The following CEBPZ variants were observed in gnomAD, a reference collection of about 807,000 sequenced individuals.
CEBPZ encodes the protein CCAAT/enhancer-binding protein zeta.
CEBPZ carries 78 observed loss-of-function variants against 104.5 expected under a neutral mutation model. The observed-to-expected ratio is 0.75, with a 90% CI of 0.62 to 0.90. The LOEUF is 0.90. Ranked by LOEUF, CEBPZ falls within the 40% of genes least tolerant of loss-of-function variation. The probability of loss-of-function intolerance (pLI) is 0.00; values close to 1 mark genes in which losing one functional copy is unlikely to be tolerated. For missense variants in CEBPZ, 1,439 were observed against 1,233.5 expected (o/e 1.17, Z -2.50); for synonymous variants, 470 against 427.0 (o/e 1.10, Z -1.24).
intron 1 of CEBPZ, 51 bp from the exon 2 acceptor site, chr2:37,229,087 C>A (rs1432592796): frequency 6.7e-6 from 9 of 1,333,834 alleles, no homozygotes; most frequent in African/African-American, 1.5e-5. Flanking sequence ...AAAAATAAAA[C>A]CATAAAATAA....
chr2:37,223,102 A>T, intron 3 of CEBPZ, 68 bp downstream of exon 3: 1 of 1,334,286 alleles, frequency 7.5e-7, no homozygotes, highest in Non-Finnish European at 1.1e-6. Context: ...TTTGAAGCAA[A>T]GAAAAACAAA....
In CEBPZ at chr2:37,222,528, A is replaced by T. The variant is rs372695626; in HGVS notation, c.1917T>A (p.Asn639Lys). The stretch of plus-strand genomic sequence containing the variant: ...TGAATTTTTCCATGTCTTCATCATC[A>T]TTTGCATCAATAAAATTTTCTTCAT... ...SDDEENFIDA[N>K]DDEDMEKFTD... The change falls in exon 4 of 16, where the codon AAT becomes AAA. Residue 639 changes from asparagine to lysine, a missense_variant. Asn to Lys is a moderately conservative substitution (Grantham distance 94, BLOSUM62 0). Coordinates refer to ENST00000234170, the MANE Select transcript of CEBPZ (RefSeq NM_005760.3). The T allele has an allele frequency of 6.3e-6, 10 of 1,591,024 alleles. No homozygotes were observed. The highest frequency in any genetic ancestry group is 7.7e-6 in the Non-Finnish European group (9 of 1,174,160).
chr2:37,227,594 T>G lies in CEBPZ; in HGVS notation c.1599A>C (p.Val533=). The G allele has an allele frequency of 6.2e-7, 1 of 1,613,988 alleles. No individual in the cohort carries two copies. Among genetic ancestry groups the G allele is most frequent in the African/African-American group, 1.3e-5 (1 of 75,050 alleles). Residue 533 remains valine, a synonymous_variant, in exon 2 of 16, where the codon GTA becomes GTC. Coordinates refer to ENST00000234170, the MANE Select transcript of CEBPZ (RefSeq NM_005760.3). ...SVQALMLLFQ[V]MNSQQTISDR... Reference sequence around the variant, plus strand: ...CCGATATTGTCTGCTGAGAATTCATTACTTGGAAAAGCAACATTAAAGCCT... The same window carrying G: ...CCGATATTGTCTGCTGAGAATTCATGACTTGGAAAAGCAACATTAAAGCCT...
chr2:37,202,758 T>C (rs767898148), intron 15 of CEBPZ, 26 bp downstream of exon 15: 1 of 1,339,890 alleles, frequency 7.5e-7, no homozygotes. Flanking sequence ...TTTTAAAACA[T>C]CAATAAAAAA....
Position 37,231,584 on chromosome 2 carries a change from G to C in CEBPZ, c.-17C>G, listed in dbSNP as rs376918726. The C allele has an allele frequency of 1.2e-6, 2 of 1,614,214 alleles. No individual in the cohort carries two copies. Among genetic ancestry groups the C allele is most frequent in the Non-Finnish European group, 1.7e-6 (2 of 1,180,044 alleles). On this transcript the variant is annotated 5_prime_UTR_variant, in exon 1 of 16. Coordinates refer to ENST00000234170, the MANE Select transcript of CEBPZ (RefSeq NM_005760.3). ...TGCGGCCATGGCGGGCAAAGCATAC[G>C]CGCGTGAAACTCAGCCTATTTCCGC... is the stretch of plus-strand genomic sequence containing the variant.
intron 2 of CEBPZ, among the ~76,000 whole-genome samples, chr2:37,224,543 T>C (rs1664840819): frequency 6.6e-6 from 1 of 150,440 alleles, no homozygotes; most frequent in South Asian, 2.1e-4. Flanking sequence ...GATTATTCAA[T>C]TTTCTCTCTT....
At chr2:37,216,453 C>T (rs1677869132) in intron 6 of CEBPZ, 35 bp from the exon 7 acceptor site, 1 of 1,405,412 alleles carries the variant, frequency 7.1e-7, no homozygotes, top group Non-Finnish European at 1.0e-6. Context: ...AAACTTAATT[C>T]AAATTATGTC....
At chr2:37,216,855 C>G (rs1664597435) in intron 6 of CEBPZ, 129 bp downstream of exon 6, 3 of 760,380 alleles carry the variant, frequency 3.9e-6, no homozygotes, top group Non-Finnish European at 6.4e-6. Flanking sequence ...CAAGTCACTG[C>G]TTCTTTATAC....
intron 12 of CEBPZ, chr2:37,211,525 C>A (rs1468672387): frequency 3.6e-6 from 1 of 277,380 alleles, no homozygotes; most frequent in Non-Finnish European, 6.7e-6. Flanking sequence ...ATGATGAATA[C>A]TGATTAACTT....
At chr2:37,222,352 C>A (rs902695988) in intron 4 of CEBPZ, 28 bp downstream of exon 4, 6 of 1,526,492 alleles carry the variant, frequency 3.9e-6, no homozygotes, top group Non-Finnish European at 5.3e-6. Context: ...AACAAACTCC[C>A]TAGAGAATAA....
At chr2:37,230,321 A>G (rs1338276151) in intron 1 of CEBPZ, among the ~76,000 whole-genome samples, 7 of 152,354 alleles carry the variant, frequency 4.6e-5, no homozygotes, top group African/African-American at 7.2e-5. Flanking sequence ...ATGCTTGAAA[A>G]GGTATATAGT....
At chr2:37,216,640 T>G (rs998083836) in intron 6 of CEBPZ, among the ~76,000 whole-genome samples, 1 of 152,204 alleles carries the variant, frequency 6.6e-6, no homozygotes, top group Non-Finnish European at 1.5e-5. Flanking sequence ...ATTTGATGGA[T>G]AGACTAATAT....
Position 37,216,168 on chromosome 2 carries a change from A to G in CEBPZ, c.2352T>C (p.His784=). The change falls in exon 8 of 16, where the codon CAT becomes CAC. Residue 784 remains histidine, a synonymous_variant. Transcript: ENST00000234170. ...GAAGATGACGAATATCCTTAATAAA[A>G]TGTTTTCTTTTCGGCTGCATCACAA... ...DSVVMQPKRK[H]FIKDIRHLPV... The G allele has an allele frequency of 6.2e-7, 1 of 1,613,096 alleles. No homozygotes were observed. Among genetic ancestry groups the G allele is most frequent in the Non-Finnish European group, 8.5e-7 (1 of 1,179,582 alleles).
intron 8 of CEBPZ, chr2:37,215,654 TACA>T (rs1226773489): frequency 2.6e-5 from 4 of 153,450 alleles, no homozygotes; most frequent in African/African-American, 7.2e-5. Flanking sequence ...CTGCTTTGAA[TACA>T]ACAACAGACT....
intron 2 of CEBPZ, among the ~76,000 whole-genome samples, chr2:37,226,314 T>C (rs1401782912): frequency 6.6e-6 from 1 of 152,174 alleles, no homozygotes; most frequent in Non-Finnish European, 1.5e-5. Context: ...TTAAGAGGAT[T>C]AAACTAAAGA....
At chr2:37,216,263 G>A in intron 7 of CEBPZ, 53 bp downstream of exon 7, 2 of 1,599,034 alleles carry the variant, frequency 1.3e-6, no homozygotes, top group Non-Finnish European at 1.7e-6. Flanking sequence ...AGCTCATATT[G>A]TTTATTATGT....
At chr2:37,231,326 C>T (rs758672854) in intron 1 of CEBPZ, 86 bp downstream of exon 1, 3 of 1,577,922 alleles carry the variant, frequency 1.9e-6, no homozygotes, top group South Asian at 2.2e-5. Context: ...GCGCTCTACG[C>T]AGCGCGGAAG....
intron 13 of CEBPZ, chr2:37,210,695 A>G: frequency 4.0e-6 from 1 of 249,238 alleles, no homozygotes. Context: ...GGTGCACCAA[A>G]ATCTCAGAAA....
At chr2:37,227,062 C>T (rs1664904188) in intron 2 of CEBPZ, among the ~76,000 whole-genome samples, 1 of 152,152 alleles carries the variant, frequency 6.6e-6, no homozygotes, top group African/African-American at 2.4e-5. Context: ...TCCTGTGCAC[C>T]TAGAGCATGG....
Sources: gnomAD v4.1 joint callset for allele counts (sites outside exome capture counted in the v4.1 genomes callset) on GRCh38, gnomAD v4.1.1 for gene constraint, MANE v1.5 for transcripts, NCBI Gene and HGNC (gene_info 2026-07-23, HGNC 2026-07-21) for gene names.